Variants in STT3B observed in about 807,000 individuals in gnomAD.
The protein encoded by STT3B is STT3 oligosaccharyltransferase complex catalytic subunit B.
Under a neutral mutation model 96.8 loss-of-function variants are expected in STT3B, and 29 were observed. The ratio of observed to expected loss-of-function variants is 0.30; its 90% CI spans 0.22 to 0.41. The LOEUF (loss-of-function observed/expected upper bound fraction) is 0.41, where lower values mean the gene tolerates loss of function less well. Among genes scored for constraint, STT3B ranks in the 10% least tolerant of loss-of-function variants. The pLI is 1.00. For missense variants in STT3B, 640 were observed against 1,022.3 expected, an observed-to-expected ratio of 0.63 and a Z score of 5.10; for synonymous variants, 367 against 360.0, an observed-to-expected ratio of 1.02 and a Z score of -0.22.
chr3:31,603,621 T>A (rs188887227), intron 5 of STT3B, among the ~76,000 whole-genome samples: 25 of 152,230 alleles, frequency 1.6e-4, no homozygotes, highest in African/African-American at 4.8e-4. Context: ...GGATGTGAAG[T>A]GATTTAAGCT....
chr3:31,619,086 T>C (rs185832411), intron 8 of STT3B, among the ~76,000 whole-genome samples: 2 of 152,036 alleles, frequency 1.3e-5, no homozygotes, highest in Non-Finnish European at 2.9e-5. Context: ...GGCATTATTG[T>C]GTAAGGTGTA....
chr3:31,549,194 A>G (rs1456122423), intron 1 of STT3B, among the ~76,000 whole-genome samples: 1 of 152,054 alleles, frequency 6.6e-6, no homozygotes, highest in African/African-American at 2.4e-5. Flanking sequence ...CAGTGTTTTA[A>G]ATCTTTTTAT....
intron 1 of STT3B, among the ~76,000 whole-genome samples, chr3:31,534,194 A>G (rs539471439): frequency 1.8e-4 from 28 of 152,340 alleles, no homozygotes; most frequent in African/African-American, 6.7e-4. Context: ...TTTGTGGATA[A>G]GAGCAAACAG....
intron 6 of STT3B, 121 bp downstream of exon 6, chr3:31,615,324 C>T (rs1699282856): frequency 1.5e-6 from 1 of 678,558 alleles, no homozygotes; most frequent in Non-Finnish European, 2.4e-6. Context: ...AGTAATCTGA[C>T]TCACAATTAT....
At chr3:31,611,316 A>G (rs1699174970) in intron 5 of STT3B, among the ~76,000 whole-genome samples, 1 of 152,126 alleles carries the variant, frequency 6.6e-6, no homozygotes, top group African/African-American at 2.4e-5. Context: ...ATTTTTAGCA[A>G]TTTATCTGAC....
Position 31,537,159 on chromosome 3 carries a change from C to T in STT3B, c.314+3847C>T, listed in dbSNP as rs148244855. Among the ~76,000 whole-genome samples, 1,141 of 152,246 alleles carry T rather than the reference C, an allele frequency of 7.5e-3. 45 individuals are homozygous for T. Among genetic ancestry groups the T allele is most frequent in the Admixed American group, 0.069 (1,060 of 15,298 alleles). On this transcript the variant is annotated intron_variant, in intron 1 of 15. Coordinates refer to ENST00000295770, the MANE Select transcript of STT3B (RefSeq NM_178862.3). The stretch of plus-strand genomic sequence containing the variant: ...GTTGGAACTTAGAATGCAATTTTTC[C>T]GAAGAAACTATGGTATAAATTGGTT...
At chr3:31,581,730 C>G (rs1262579268) in intron 3 of STT3B, among the ~76,000 whole-genome samples, 1 of 152,162 alleles carries the variant, frequency 6.6e-6, no homozygotes, top group Non-Finnish European at 1.5e-5. Context: ...AAGGTGTTCC[C>G]TTCTCTTCAG....
At chr3:31,582,919 A>G (rs1698443348) in intron 3 of STT3B, among the ~76,000 whole-genome samples, 2 of 152,080 alleles carry the variant, frequency 1.3e-5, no homozygotes, top group Admixed American at 6.5e-5. Context: ...GTCTTTTTAA[A>G]TCTATTGAAA....
chr3:31,560,577 CCTTT>C (rs998569902), intron 1 of STT3B, among the ~76,000 whole-genome samples: 10 of 151,902 alleles, frequency 6.6e-5, no homozygotes, highest in African/African-American at 2.4e-4. Context: ...ATACATTATC[CCTTT>C]CTTTCCTGGC....
chr3:31,542,515 ACT>A (rs564715460), intron 1 of STT3B, among the ~76,000 whole-genome samples: 206 of 152,246 alleles, frequency 1.4e-3, no homozygotes, highest in African/African-American at 4.8e-3. Context: ...CTTTCTTCAA[ACT>A]CTGTTTAGTC....
intron 1 of STT3B, among the ~76,000 whole-genome samples, chr3:31,534,599 C>T (rs1559495719): frequency 6.6e-6 from 1 of 151,922 alleles, no homozygotes. Context: ...AATAAGTGTT[C>T]GGGTGGAGGG....
chr3:31,549,457 T>C (rs1054641809), intron 1 of STT3B, among the ~76,000 whole-genome samples: 1 of 152,140 alleles, frequency 6.6e-6, no homozygotes, highest in African/African-American at 2.4e-5. Flanking sequence ...CCACCGAGAC[T>C]GTCCTCAGAA....
intron 1 of STT3B, among the ~76,000 whole-genome samples, chr3:31,573,404 C>T (rs926182874): frequency 2.0e-5 from 3 of 152,028 alleles, no homozygotes; most frequent in African/African-American, 7.3e-5. Context: ...GAGGCTATTT[C>T]AGTAGTCTAG....
At chr3:31,591,914 G>GT (rs1233761148) in intron 3 of STT3B, among the ~76,000 whole-genome samples, 10 of 151,730 alleles carry the variant, frequency 6.6e-5, no homozygotes, top group Admixed American at 5.3e-4. Context: ...TGCTGTAATG[G>GT]GATTTTTCAA....
At chr3:31,566,021 T>G (rs1414420432) in intron 1 of STT3B, among the ~76,000 whole-genome samples, 1 of 152,198 alleles carries the variant, frequency 6.6e-6, no homozygotes, top group African/African-American at 2.4e-5. Context: ...AATACTTGTT[T>G]AGCATTTGAA....
chr3:31,588,751 C>T (rs1247660914), intron 3 of STT3B, among the ~76,000 whole-genome samples: 1 of 151,970 alleles, frequency 6.6e-6, no homozygotes, highest in African/African-American at 2.4e-5. Context: ...GCTGTTACAG[C>T]ATTATTTGTT....
At chr3:31,553,566 A>T (rs1403980541) in intron 1 of STT3B, among the ~76,000 whole-genome samples, 8 of 152,224 alleles carry the variant, frequency 5.3e-5, no homozygotes, top group African/African-American at 9.7e-5. Context: ...AACATAATGA[A>T]TCTATGGTGA....
intron 10 of STT3B, among the ~76,000 whole-genome samples, chr3:31,622,791 T>A (rs1699456435): frequency 1.3e-5 from 2 of 152,162 alleles, no homozygotes; most frequent in South Asian, 4.1e-4. Flanking sequence ...CTCCAGTTCG[T>A]TAGCAATAGG....
At chr3:31,594,707 A>C (rs1199365457) in intron 3 of STT3B, among the ~76,000 whole-genome samples, 1 of 152,228 alleles carries the variant, frequency 6.6e-6, no homozygotes. Context: ...GGCATGAGCC[A>C]CTGGGCCCAG....
Sources: gnomAD v4.1 joint callset for allele counts (sites outside exome capture counted in the v4.1 genomes callset) on GRCh38, gnomAD v4.1.1 for gene constraint, MANE v1.5 for transcripts, NCBI Gene and HGNC (gene_info 2026-07-23, HGNC 2026-07-21) for gene names.